CYRIA: variants seen among roughly 807,000 people sequenced by gnomAD.
CYRIA encodes CYFIP related Rac1 interactor A.
A neutral mutation model predicts 43.9 loss-of-function variants in CYRIA; 15 were observed. The observed-to-expected ratio is 0.34, with a 90% CI of 0.23 to 0.53. The LOEUF is 0.53. Among genes scored for constraint, CYRIA ranks in the 20% least tolerant of loss-of-function variants. The pLI is 0.94. For synonymous variants in CYRIA, 117 were observed against 136.0 expected (o/e 0.86, Z 0.97); for missense variants, 236 against 394.2 (o/e 0.60, Z 3.40).
chr2:16,643,271 A>G (rs1669728605), intron 1 of CYRIA, among the ~76,000 whole-genome samples: 1 of 152,206 alleles, frequency 6.6e-6, no homozygotes, highest in South Asian at 2.1e-4. Context: ...TTCATCCTTG[A>G]ACCGTAGCTT....
chr2:16,564,028 C>G lies in CYRIA; in HGVS notation c.259G>C (p.Val87Leu). 1 of 1,613,596 alleles carries G rather than the reference C, an allele frequency of 6.2e-7. No individual in the cohort carries two copies. The highest frequency in any genetic ancestry group is 8.5e-7 in the Non-Finnish European group (1 of 1,179,706). ...AACTCGTAAAATCTCTTTAGCCTCA[C>G]AACAAGAGGGCACACCGCATTCCAA... is the stretch of plus-strand genomic sequence containing the variant. ...KAWNAVCPLVVRLKRFYEFSI... is the reference protein window; with the variant it reads ...KAWNAVCPLVLRLKRFYEFSI... Residue 87 changes from valine to leucine, a missense_variant, in exon 5 of 12, where the codon GTG becomes CTG. By Grantham distance (32) the Val-to-Leu change is conservative. This residue lies in a region of CYRIA where 193 missense variants were observed against 303.9 expected (regional missense o/e 0.64). Transcript: ENST00000381323.
chr2:16,563,280 G>A (rs1227278171), intron 5 of CYRIA, among the ~76,000 whole-genome samples: 1 of 152,160 alleles, frequency 6.6e-6, no homozygotes, highest in Non-Finnish European at 1.5e-5. Flanking sequence ...GTTCATTCAA[G>A]TACTTCCCTT....
intron 3 of CYRIA, among the ~76,000 whole-genome samples, chr2:16,571,727 A>G (rs1434367748): frequency 4.6e-5 from 7 of 152,214 alleles, no homozygotes; most frequent in Non-Finnish European, 1.0e-4. Flanking sequence ...AAACACTGAA[A>G]AAAAGTACAG....
intron 1 of CYRIA, among the ~76,000 whole-genome samples, chr2:16,632,923 C>T (rs545989696): frequency 5.3e-5 from 8 of 152,256 alleles, no homozygotes; most frequent in Middle Eastern, 3.4e-3. Flanking sequence ...AGGGATTCTG[C>T]CTTCCCCAAT....
intron 11 of CYRIA, 74 bp from the exon 12 acceptor site, chr2:16,553,073 G>A (rs1052469417): frequency 2.8e-5 from 26 of 917,756 alleles, no homozygotes; most frequent in Non-Finnish European, 4.6e-5. Flanking sequence ...CTTTACCTTC[G>A]GAAACACAAT....
intron 2 of CYRIA, among the ~76,000 whole-genome samples, chr2:16,610,689 T>C (rs990590190): frequency 1.3e-5 from 2 of 151,906 alleles, no homozygotes; most frequent in African/African-American, 4.8e-5. Context: ...TTGGAACACA[T>C]GATAAACTTC....
intron 2 of CYRIA, among the ~76,000 whole-genome samples, chr2:16,600,455 C>T (rs992354170): frequency 6.6e-6 from 1 of 152,204 alleles, no homozygotes; most frequent in Non-Finnish European, 1.5e-5. Context: ...GAGAATTACT[C>T]AATCCCCAGG....
intron 2 of CYRIA, among the ~76,000 whole-genome samples, chr2:16,607,509 C>T (rs1361787529): frequency 2.0e-5 from 3 of 152,226 alleles, no homozygotes; most frequent in African/African-American, 2.4e-5. Flanking sequence ...GATTCCGCCC[C>T]TCTGCTGAAG....
chr2:16,641,846 T>C (rs1669686482), intron 1 of CYRIA, among the ~76,000 whole-genome samples: 1 of 152,248 alleles, frequency 6.6e-6, no homozygotes, highest in African/African-American at 2.4e-5. Flanking sequence ...TCCACGATGC[T>C]GAAGCCAATG....
chr2:16,586,394 G>T (rs1558414727), intron 3 of CYRIA, among the ~76,000 whole-genome samples: 1 of 151,686 alleles, frequency 6.6e-6, no homozygotes, highest in African/African-American at 2.4e-5. Context: ...TGTGTGTGTG[G>T]TTTTTTTTAG....
intron 1 of CYRIA, among the ~76,000 whole-genome samples, chr2:16,665,252 G>A (rs887830417): frequency 1.3e-5 from 2 of 152,118 alleles, no homozygotes; most frequent in Admixed American, 1.3e-4. Context: ...GAGGGTGACG[G>A]CAAGGTGTGC....
intron 1 of CYRIA, among the ~76,000 whole-genome samples, chr2:16,644,176 C>T (rs914493847): frequency 3.9e-5 from 6 of 152,202 alleles, no homozygotes; most frequent in Non-Finnish European, 5.9e-5. Flanking sequence ...GGAGTTTAAA[C>T]GAGCTCCTGC....
chr2:16,573,346 G>C (rs1344894691), intron 3 of CYRIA, among the ~76,000 whole-genome samples: 2 of 152,220 alleles, frequency 1.3e-5, no homozygotes, highest in Non-Finnish European at 2.9e-5. Context: ...TTAACCACCG[G>C]ACGACTGATT....
Position 16,565,499 on chromosome 2 carries a change from T to C in CYRIA, c.192+147A>G, listed in dbSNP as rs141445803. 2,936 of 1,032,944 alleles carry C rather than the reference T, an allele frequency of 2.8e-3. 11 individuals are homozygous for C. The highest frequency in any genetic ancestry group is 6.3e-3 in the Middle Eastern group (17 of 2,678). The allele number at this position is 1,032,944 out of a possible 1,614,324, so 64.0% of individuals were successfully genotyped here. The stretch of plus-strand genomic sequence containing the variant: ...CCGCAGCCGGCCCATGCATTTTGTT[T>C]TTAAGGACACATTACCCTCCTTGTT... On this transcript the variant is annotated intron_variant, in intron 4 of 11. Coordinates refer to ENST00000381323, the MANE Select transcript of CYRIA (RefSeq NM_030797.4).
At chr2:16,645,480 A>C (rs6724220) in intron 1 of CYRIA, among the ~76,000 whole-genome samples, 13,186 of 152,256 alleles carry the variant, frequency 0.087, 1,361 homozygotes, top group African/African-American at 0.24. Flanking sequence ...AGTATCTGAT[A>C]TGTAATAGAC....
chr2:16,553,693 G>A (rs530932549), intron 11 of CYRIA, among the ~76,000 whole-genome samples: 2 of 152,222 alleles, frequency 1.3e-5, no homozygotes, highest in South Asian at 4.1e-4. Context: ...TTACTGAATT[G>A]AGATTTGTGA....
At chr2:16,639,777 T>G (rs534715084) in intron 1 of CYRIA, among the ~76,000 whole-genome samples, 13 of 152,218 alleles carry the variant, frequency 8.5e-5, no homozygotes, top group Non-Finnish European at 1.6e-4. Context: ...CCTTGATATA[T>G]AATTCATAAT....
At chr2:16,589,318 A>G (rs1052342846) in intron 2 of CYRIA, among the ~76,000 whole-genome samples, 13 of 152,156 alleles carry the variant, frequency 8.5e-5, no homozygotes, top group African/African-American at 3.1e-4. Context: ...TCTAAGCAAG[A>G]TGTGGCGAGA....
At chr2:16,591,506 G>A (rs903353652) in intron 2 of CYRIA, among the ~76,000 whole-genome samples, 4 of 152,156 alleles carry the variant, frequency 2.6e-5, no homozygotes, top group African/African-American at 9.7e-5. Flanking sequence ...GTTTCACAGA[G>A]GAAGTCATAT....
Sources: gnomAD v4.1 joint callset for allele counts (sites outside exome capture counted in the v4.1 genomes callset) on GRCh38, gnomAD v4.1.1 for gene constraint, gnomAD v4.1.1 regional missense constraint, MANE v1.5 for transcripts, NCBI Gene and HGNC (gene_info 2026-07-23, HGNC 2026-07-21) for gene names.